ST6GALNAC5: variants seen among roughly 807,000 people sequenced by gnomAD.
ST6GALNAC5 encodes the protein ST6 N-acetylgalactosaminide alpha-2,6-sialyltransferase 5.
Under a neutral mutation model 33.6 loss-of-function variants are expected in ST6GALNAC5, and 27 were observed. The observed-to-expected ratio is 0.80, with a 90% CI of 0.59 to 1.11. ST6GALNAC5 has a LOEUF of 1.11. ST6GALNAC5 is among the 50% of genes least tolerant of loss of function. The pLI is 0.00. For synonymous variants in ST6GALNAC5, 194 were observed against 171.2 expected, an observed-to-expected ratio of 1.13 and a Z score of -1.04; for missense variants, 428 against 454.0, an observed-to-expected ratio of 0.94 and a Z score of 0.52.
At chr1:77,048,565 T>A (rs926225406) in intron 3 of ST6GALNAC5, among the ~76,000 whole-genome samples, 1 of 152,168 alleles carries the variant, frequency 6.6e-6, no homozygotes, top group African/African-American at 2.4e-5. Context: ...AGAAGGAAAA[T>A]CATTAATACC....
chr1:76,869,576 A>G (rs1253880137), intron 2 of ST6GALNAC5, among the ~76,000 whole-genome samples: 1 of 152,200 alleles, frequency 6.6e-6, no homozygotes. Context: ...TATCTGCTTT[A>G]TAAAGCTAGA....
In ST6GALNAC5 at chr1:77,016,258, CTCCTCCTGTATCTCCTCCCCCTCA is replaced by C. The variant is rs1557762435; in HGVS notation, c.262-27922_262-27899del. 4.3e-3 allele frequency among the ~76,000 whole-genome samples: 518 copies of C among 120,156 alleles called. 1 individual carries two copies. The highest frequency in any genetic ancestry group is 8.6e-3 in the Middle Eastern group (2 of 232). 78.8% of individuals were successfully genotyped at this position (120,156 alleles called of 152,430 possible). ...CCTCCTCCTGTATCTCCTCCCCCTC[CTCCTCCTGTATCTCCTCCCCCTCA>C]TCCTCCTGTATCTCCTCCCCCTCCT... On this transcript the variant is annotated intron_variant, in intron 2 of 4. Coordinates refer to ENST00000477717, the MANE Select transcript of ST6GALNAC5 (RefSeq NM_030965.3).
At chr1:76,999,171 G>C (rs1357772536) in intron 2 of ST6GALNAC5, among the ~76,000 whole-genome samples, 1 of 152,100 alleles carries the variant, frequency 6.6e-6, no homozygotes, top group Non-Finnish European at 1.5e-5. Context: ...TTGGAATAGG[G>C]GACAGTAAGG....
intron 2 of ST6GALNAC5, among the ~76,000 whole-genome samples, chr1:76,965,701 G>T (rs1648442131): frequency 6.6e-6 from 1 of 152,176 alleles, no homozygotes; most frequent in African/African-American, 2.4e-5. Context: ...GTCCTGAAAG[G>T]TATTGCCTAG....
chr1:76,988,938 C>G lies in ST6GALNAC5; in HGVS notation c.262-55266C>G, dbSNP rs1028408105. ...ACTATTGTTTGTAGCCCTTATACTT[C>G]AAGAAGAGTTTGCATATATATTCTT... On this transcript the variant is annotated intron_variant, in intron 2 of 4. Coordinates refer to ENST00000477717, the MANE Select transcript of ST6GALNAC5 (RefSeq NM_030965.3). 9.2e-5 allele frequency among the ~76,000 whole-genome samples: 14 copies of G among 152,238 alleles called. No individual in the cohort carries two copies. The South Asian group carries it at 2.3e-3, about 25-fold the overall frequency.
At chr1:76,897,169 G>C (rs1654164287) in intron 2 of ST6GALNAC5, among the ~76,000 whole-genome samples, 1 of 152,146 alleles carries the variant, frequency 6.6e-6, no homozygotes, top group Non-Finnish European at 1.5e-5. Flanking sequence ...AATTTGCTGA[G>C]CTTGATGGGT....
chr1:77,059,314 T>G (rs2100480792), intron 4 of ST6GALNAC5, among the ~76,000 whole-genome samples: 1 of 152,334 alleles, frequency 6.6e-6, no homozygotes, highest in East Asian at 1.9e-4. Flanking sequence ...TTTGCATTTA[T>G]TTATCAGGTG....
chr1:76,930,404 T>C (rs1156899058), intron 2 of ST6GALNAC5, among the ~76,000 whole-genome samples: 1 of 152,108 alleles, frequency 6.6e-6, no homozygotes, highest in East Asian at 1.9e-4. Context: ...AGTTTTTAAG[T>C]AGCAGTTTCG....
At chr1:77,027,762 G>T (rs1349291044) in intron 2 of ST6GALNAC5, among the ~76,000 whole-genome samples, 1 of 152,176 alleles carries the variant, frequency 6.6e-6, no homozygotes, top group Non-Finnish European at 1.5e-5. Context: ...GACGTGTTTG[G>T]TGGTGATGTT....
At chr1:76,892,433 G>A (rs1018880610) in intron 2 of ST6GALNAC5, among the ~76,000 whole-genome samples, 2 of 152,046 alleles carry the variant, frequency 1.3e-5, no homozygotes, top group South Asian at 2.1e-4. Flanking sequence ...AGCATTACTT[G>A]TAAACAGCAA....
intron 2 of ST6GALNAC5, among the ~76,000 whole-genome samples, chr1:76,967,968 CT>C (rs1449131162): frequency 6.6e-6 from 1 of 152,134 alleles, no homozygotes; most frequent in Non-Finnish European, 1.5e-5. Flanking sequence ...GATTTCTGTT[CT>C]TTTACATTTG....
At chr1:76,910,762 T>C (rs1012472585) in intron 2 of ST6GALNAC5, among the ~76,000 whole-genome samples, 2 of 152,124 alleles carry the variant, frequency 1.3e-5, no homozygotes, top group South Asian at 2.1e-4. Context: ...TTTATGTTGA[T>C]GTAGACAAAG....
intron 2 of ST6GALNAC5, among the ~76,000 whole-genome samples, chr1:76,968,485 A>C (rs1386565970): frequency 6.6e-6 from 1 of 152,270 alleles, no homozygotes; most frequent in African/African-American, 2.4e-5. Context: ...TCTGCACATG[A>C]GATGGGTCTC....
At chr1:77,000,778 GT>G (rs1370647643) in intron 2 of ST6GALNAC5, among the ~76,000 whole-genome samples, 1 of 151,546 alleles carries the variant, frequency 6.6e-6, no homozygotes, top group African/African-American at 2.4e-5. Flanking sequence ...TTTTTCTCAG[GT>G]TTGTCAAAGA....
intron 2 of ST6GALNAC5, among the ~76,000 whole-genome samples, chr1:76,987,908 C>T (rs2143582): frequency 0.56 from 84,902 of 151,798 alleles, 24,444 homozygotes; most frequent in East Asian, 0.73. Context: ...TGTATGTGGA[C>T]GTCTAGATCT....
chr1:76,897,525 T>A (rs192604019), intron 2 of ST6GALNAC5, among the ~76,000 whole-genome samples: 1 of 152,038 alleles, frequency 6.6e-6, no homozygotes, highest in Non-Finnish European at 1.5e-5. Flanking sequence ...TTGGCATTAA[T>A]CGGGGTAAAG....
intron 2 of ST6GALNAC5, among the ~76,000 whole-genome samples, chr1:76,912,245 T>A (rs1253846109): frequency 6.6e-6 from 1 of 152,212 alleles, no homozygotes; most frequent in East Asian, 1.9e-4. Context: ...TTGAGTGAGT[T>A]TCTTAATCCT....
At chr1:76,992,964 C>T (rs554916905) in intron 2 of ST6GALNAC5, among the ~76,000 whole-genome samples, 1 of 152,300 alleles carries the variant, frequency 6.6e-6, no homozygotes, top group East Asian at 1.9e-4. Flanking sequence ...TACCTCCTAT[C>T]TACAGGACTA....
At chr1:76,911,825 A>G (rs187659416) in intron 2 of ST6GALNAC5, among the ~76,000 whole-genome samples, 2,037 of 151,858 alleles carry the variant, frequency 0.013, 47 homozygotes, top group African/African-American at 0.046. Flanking sequence ...TTTTTTCTTT[A>G]TTAGTCTTGC....
Sources: allele counts gnomAD v4.1 joint callset (sites outside exome capture counted in the v4.1 genomes callset), GRCh38; gene constraint gnomAD v4.1.1; transcripts MANE v1.5; gene names NCBI Gene and HGNC (gene_info 2026-07-23, HGNC 2026-07-21).